The following GRID2 variants were observed in gnomAD, a reference collection of about 807,000 sequenced individuals.
GRID2 encodes the protein glutamate ionotropic receptor delta type subunit 2, also known as glutamate receptor ionotropic, delta-2.
Under a neutral mutation model 114.8 loss-of-function variants are expected in GRID2, and 33 were observed. The observed-to-expected ratio is 0.29, with a 90% confidence interval of 0.22 to 0.38. GRID2 has a LOEUF of 0.38. Among genes scored for constraint, GRID2 ranks in the 10% least tolerant of loss-of-function variants. The pLI is 1.00. For synonymous variants in GRID2, 505 were observed against 449.9 expected (o/e 1.12, Z -1.55); for missense variants, 1,184 against 1,257.7 (o/e 0.94, Z 0.89).
intron 4 of GRID2, among the ~76,000 whole-genome samples, chr4:93,202,240 T>C (rs114717071): frequency 0.013 from 1,929 of 152,232 alleles, 47 homozygotes; most frequent in African/African-American, 0.044. Flanking sequence ...TTTTAATACC[T>C]TCAATATTTT....
At chr4:92,922,062 C>T (rs1479070630) in intron 2 of GRID2, among the ~76,000 whole-genome samples, 2 of 152,190 alleles carry the variant, frequency 1.3e-5, no homozygotes, top group African/African-American at 4.8e-5. Flanking sequence ...GCCCCTCCCT[C>T]AGCCTTGCTG....
intron 4 of GRID2, among the ~76,000 whole-genome samples, chr4:93,180,841 C>G (rs963181091): frequency 3.4e-4 from 51 of 152,064 alleles, no homozygotes; most frequent in African/African-American, 1.1e-3. Context: ...ATTCTTATTC[C>G]CTTGCTATTT....
chr4:92,590,646 T>A (rs1045272590), intron 2 of GRID2, among the ~76,000 whole-genome samples: 5 of 152,158 alleles, frequency 3.3e-5, no homozygotes, highest in Admixed American at 6.5e-5. Context: ...TTGGGTATTG[T>A]TACAACTTGG....
chr4:92,334,925 G>A (rs767436732), intron 1 of GRID2, among the ~76,000 whole-genome samples: 8 of 152,210 alleles, frequency 5.3e-5, no homozygotes, highest in Non-Finnish European at 7.3e-5. Flanking sequence ...ATCAAATTGT[G>A]CCTGGAGCCT....
At chr4:93,061,996 C>A (rs1249985214) in intron 2 of GRID2, among the ~76,000 whole-genome samples, 1 of 152,078 alleles carries the variant, frequency 6.6e-6, no homozygotes, top group African/African-American at 2.4e-5. Context: ...GAGCACCTGT[C>A]CTGTGGCTCA....
chr4:93,470,406 G>A (rs1724690875), intron 11 of GRID2, among the ~76,000 whole-genome samples: 5 of 152,192 alleles, frequency 3.3e-5, no homozygotes, highest in Admixed American at 3.3e-4. Flanking sequence ...CTTGTAAGCT[G>A]GCTATACTTA....
intron 13 of GRID2, among the ~76,000 whole-genome samples, chr4:93,623,802 G>A (rs1387971433): frequency 2.0e-5 from 3 of 151,978 alleles, no homozygotes; most frequent in African/African-American, 7.2e-5. Context: ...CTAAGTCTCT[G>A]ATAATTATTA....
At chr4:92,320,542 T>C (rs1726257677) in intron 1 of GRID2, among the ~76,000 whole-genome samples, 1 of 152,180 alleles carries the variant, frequency 6.6e-6, no homozygotes, top group Non-Finnish European at 1.5e-5. Context: ...TGTCGTGATC[T>C]CTGCTAACTG....
chr4:92,390,807 G>C (rs1272736369), intron 1 of GRID2, among the ~76,000 whole-genome samples: 1 of 151,870 alleles, frequency 6.6e-6, no homozygotes, highest in Non-Finnish European at 1.5e-5. Flanking sequence ...TTATCTTATG[G>C]TATAATATAC....
chr4:93,258,441 G>A (rs1335019058), intron 8 of GRID2, among the ~76,000 whole-genome samples: 2 of 151,408 alleles, frequency 1.3e-5, no homozygotes, highest in East Asian at 3.9e-4. Context: ...TATATTGGAG[G>A]ACAAACTCAT....
chr4:92,636,781 C>A (rs969472693), intron 2 of GRID2, among the ~76,000 whole-genome samples: 22 of 152,044 alleles, frequency 1.4e-4, no homozygotes, highest in African/African-American at 5.3e-4. Context: ...TGACTTCACA[C>A]ATCACAGTTG....
chr4:93,564,579 T>C (rs1272598811), intron 13 of GRID2, among the ~76,000 whole-genome samples: 2 of 152,054 alleles, frequency 1.3e-5, no homozygotes, highest in Non-Finnish European at 2.9e-5. Flanking sequence ...TTTTAATAAG[T>C]GGATGGTACC....
chr4:92,515,528 A>C (rs2149135182), intron 1 of GRID2, among the ~76,000 whole-genome samples: 1 of 151,996 alleles, frequency 6.6e-6, no homozygotes, highest in South Asian at 2.1e-4. Context: ...CAATTATAAT[A>C]AGAGAGTATT....
chr4:92,721,171 A>G (rs1735792207), intron 2 of GRID2, among the ~76,000 whole-genome samples: 1 of 152,114 alleles, frequency 6.6e-6, no homozygotes, highest in Non-Finnish European at 1.5e-5. Flanking sequence ...ATGGGAAGTT[A>G]GTGTTCAATG....
At chr4:93,671,145 AC>A (rs1268706419) in intron 14 of GRID2, among the ~76,000 whole-genome samples, 1 of 152,174 alleles carries the variant, frequency 6.6e-6, no homozygotes, top group Admixed American at 6.5e-5. Flanking sequence ...AAAGGGTCTG[AC>A]AGAACCAGTT....
chr4:93,504,961 G>A (rs1728486064), intron 12 of GRID2, among the ~76,000 whole-genome samples: 1 of 152,054 alleles, frequency 6.6e-6, no homozygotes, highest in Admixed American at 6.6e-5. Context: ...ACCAGAGGTG[G>A]TATGCAGGTA....
chr4:92,768,990 C>G (rs2149350538), intron 2 of GRID2, among the ~76,000 whole-genome samples: 1 of 152,266 alleles, frequency 6.6e-6, no homozygotes, highest in Non-Finnish European at 1.5e-5. Context: ...GAACAGTCTC[C>G]CAAAGTCTTA....
chr4:93,049,811 G>T (rs183789258), intron 2 of GRID2, among the ~76,000 whole-genome samples: 1 of 151,888 alleles, frequency 6.6e-6, no homozygotes, highest in Non-Finnish European at 1.5e-5. Flanking sequence ...ACCAAAGGTA[G>T]TATTTCAAAA....
intron 2 of GRID2, among the ~76,000 whole-genome samples, chr4:92,597,834 C>T (rs1223096379): frequency 1.3e-5 from 2 of 152,120 alleles, no homozygotes; most frequent in African/African-American, 4.8e-5. Context: ...CCTACACTCG[C>T]AGTTGTAATG....
Sources: gnomAD v4.1 joint callset for allele counts (sites outside exome capture counted in the v4.1 genomes callset) on GRCh38, gnomAD v4.1.1 for gene constraint, MANE v1.5 for transcripts, NCBI Gene and HGNC (gene_info 2026-07-23, HGNC 2026-07-21) for gene names.